Variants in NDRG1 observed in about 807,000 individuals in gnomAD.
NDRG1 encodes protein NDRG1.
A neutral mutation model predicts 56.9 loss-of-function variants in NDRG1; 32 were observed. The ratio of observed to expected loss-of-function variants is 0.56; its 90% CI spans 0.42 to 0.76. The LOEUF is 0.76. Ranked by LOEUF, NDRG1 falls within the 30% of genes least tolerant of loss-of-function variation. NDRG1 has a pLI of 0.00. For missense variants in NDRG1, 507 were observed against 545.7 expected (o/e 0.93, Z 0.71); for synonymous variants, 211 against 204.1 (o/e 1.03, Z -0.29).
chr8:133,282,778 G>A (rs1857885814), intron 2 of NDRG1, among the ~76,000 whole-genome samples: 1 of 152,190 alleles, frequency 6.6e-6, no homozygotes, highest in Admixed American at 6.5e-5. Flanking sequence ...CAGAGGTCAT[G>A]TGGCCTTCAA....
intron 1 of NDRG1, chr8:133,284,748 G>T (rs1439046877): frequency 1.3e-5 from 6 of 459,792 alleles, no homozygotes; most frequent in Admixed American, 2.4e-5. Flanking sequence ...AAGCTCACAC[G>T]ATGCTTACCA....
At chr8:133,260,255 G>A (rs528405375) in intron 5 of NDRG1, among the ~76,000 whole-genome samples, 1 of 152,082 alleles carries the variant, frequency 6.6e-6, no homozygotes, top group Non-Finnish European at 1.5e-5. Context: ...GGGCCAGGAG[G>A]AGCCCAGCCA....
At position 133,237,327 on chromosome 8, in the gene NDRG1, C is replaced by T. The variant is rs1379410628; in HGVS notation, c.*1551G>A. 4.3e-6 allele frequency: 1 copy of T among 232,092 alleles called. No homozygotes were observed. Among genetic ancestry groups the T allele is most frequent in the Non-Finnish European group, 8.5e-6 (1 of 117,412 alleles). 14.4% of individuals were successfully genotyped at this position (232,092 alleles called of 1,614,324 possible). A position where few individuals can be genotyped will look rare whatever the true frequency, so the allele number is the denominator to read the frequency against. On this transcript the variant is annotated 3_prime_UTR_variant, in exon 16 of 16. Coordinates refer to ENST00000323851, the MANE Select transcript of NDRG1 (RefSeq NM_006096.4). ...TCTACTCAAGGCCAGGGAAGGCCTC[C>T]AAGGTGATGGGCGGCAGGTAACGAG...
intron 14 of NDRG1, among the ~76,000 whole-genome samples, chr8:133,243,237 T>C (rs1301287089): frequency 6.6e-6 from 1 of 152,124 alleles, no homozygotes; most frequent in African/African-American, 2.4e-5. Context: ...CTGGAATTTG[T>C]GTGACAGTGG....
chr8:133,284,521 T>C (rs778305044), intron 1 of NDRG1, among the ~76,000 whole-genome samples, 192 bp from the exon 2 acceptor site: 21 of 152,154 alleles, frequency 1.4e-4, no homozygotes, highest in East Asian at 7.7e-4. Context: ...AGTCTTCCCA[T>C]TGGGGCCAGC....
rs1857981757 is a variant in NDRG1, at chr8:133,284,327, T to C, written c.-16A>G. The C allele has an allele frequency of 1.2e-6, 2 of 1,613,940 alleles. No homozygotes were observed. The highest frequency in any genetic ancestry group is 1.3e-5 in the African/African-American group (1 of 74,832). On this transcript the variant is annotated splice_region_variant and 5_prime_UTR_variant, in exon 2 of 16. Coordinates refer to ENST00000323851, the MANE Select transcript of NDRG1 (RefSeq NM_006096.4). ...CCCGAGACATGTCCCTGCTGTCACC[T>C]GCCTGCAAGGAGACAAAGGCCAAAA...
chr8:133,273,032 A>G (rs1025868835), intron 3 of NDRG1, among the ~76,000 whole-genome samples: 2 of 152,240 alleles, frequency 1.3e-5, no homozygotes, highest in Non-Finnish European at 2.9e-5. Flanking sequence ...CTGCTGAACA[A>G]GAGGCCTTGC....
Position 133,238,260 on chromosome 8 carries a change from A to C in NDRG1, c.*618T>G, listed in dbSNP as rs886062713. ...TTTGCTTCTGCATTCAAAGCTTTCT[A>C]GATGCACCAACTTTAAAAATCGGTT... On this transcript the variant is annotated 3_prime_UTR_variant, in exon 16 of 16. Transcript: ENST00000323851. 4.3e-6 allele frequency: 1 copy of C among 232,658 alleles called. No individual in the cohort carries two copies. The highest frequency in any genetic ancestry group is 6.1e-5 in the East Asian group (1 of 16,492). The allele number at this position is 232,658 out of a possible 1,614,324, so 14.4% of individuals were successfully genotyped here.
At chr8:133,254,487 C>T in intron 9 of NDRG1, 52 bp downstream of exon 9, 1 of 1,605,626 alleles carries the variant, frequency 6.2e-7, no homozygotes, top group African/African-American at 1.3e-5. Flanking sequence ...CTGAGCACCA[C>T]ACAATGCCTT....
At chr8:133,259,604 C>T (rs1269774072) in intron 5 of NDRG1, among the ~76,000 whole-genome samples, 1 of 152,214 alleles carries the variant, frequency 6.6e-6, no homozygotes, top group Non-Finnish European at 1.5e-5. Context: ...CTGTGTTTGT[C>T]TGGTTTTGGG....
chr8:133,249,445 G>A (rs986217358), intron 10 of NDRG1: 2 of 157,552 alleles, frequency 1.3e-5, no homozygotes, highest in Admixed American at 6.0e-5. Context: ...TGGCCTTGGG[G>A]AGAACACAGG....
In NDRG1 at chr8:133,264,544, T is replaced by TA; in HGVS notation, c.205+2dup. On this transcript the variant is annotated splice_region_variant and intron_variant, in intron 4 of 15. Transcript: ENST00000323851. ...CAGGGAATCAGAGCTCCTCAGAACT[T>TA]ACGGTTCATGCCGATGTCATGGTAG... is the stretch of plus-strand genomic sequence containing the variant. 1.2e-6 allele frequency: 2 copies of TA among 1,613,954 alleles called. No individual in the cohort carries two copies. The highest frequency in any genetic ancestry group is 1.7e-6 in the Non-Finnish European group (2 of 1,179,856).
At chr8:133,257,434 C>G (rs1008723146) in intron 7 of NDRG1, among the ~76,000 whole-genome samples, 1 of 152,154 alleles carries the variant, frequency 6.6e-6, no homozygotes, top group Non-Finnish European at 1.5e-5. Flanking sequence ...CACACCTAGA[C>G]AGTATAGTCT....
chr8:133,261,111 T>C (rs1403559218), intron 5 of NDRG1, among the ~76,000 whole-genome samples: 3 of 151,488 alleles, frequency 2.0e-5, no homozygotes, highest in Non-Finnish European at 4.4e-5. Context: ...GTGCAACCTT[T>C]TTTTCTTTTT....
At chr8:133,280,860 G>C (rs1213358994) in intron 2 of NDRG1, 1 of 153,234 alleles carries the variant, frequency 6.5e-6, no homozygotes, top group African/African-American at 2.4e-5. Context: ...AAGCTTGAGA[G>C]ATACAGAAAT....
intron 3 of NDRG1, among the ~76,000 whole-genome samples, chr8:133,279,369 C>T (rs1012847140): frequency 2.0e-5 from 3 of 152,164 alleles, no homozygotes; most frequent in Admixed American, 6.5e-5. Context: ...TTCCTCGCCT[C>T]GGGATGGATG....
At chr8:133,255,867 T>C (rs1410565098) in intron 8 of NDRG1, 1 of 154,648 alleles carries the variant, frequency 6.5e-6, no homozygotes, top group Non-Finnish European at 1.4e-5. Flanking sequence ...CCCCTCTCCT[T>C]GGCCAACACT....
At chr8:133,269,532 A>G (rs181474649) in intron 3 of NDRG1, among the ~76,000 whole-genome samples, 6 of 152,316 alleles carry the variant, frequency 3.9e-5, no homozygotes, top group Admixed American at 2.0e-4. Context: ...CGGAACAACC[A>G]TTGCAGAGAT....
chr8:133,258,236 C>G (rs924336851), intron 7 of NDRG1, 130 bp downstream of exon 7: 4 of 919,670 alleles, frequency 4.3e-6, no homozygotes, highest in African/African-American at 3.3e-5. Context: ...CACACACACA[C>G]ACACACACAA....
Sources: gnomAD v4.1 joint callset for allele counts (sites outside exome capture counted in the v4.1 genomes callset) on GRCh38, gnomAD v4.1.1 for gene constraint, MANE v1.5 for transcripts, NCBI Gene and HGNC (gene_info 2026-07-23, HGNC 2026-07-21) for gene names.